Variants in USP31 observed in about 807,000 individuals in gnomAD.
USP31 encodes the protein ubiquitin specific peptidase 31.
In USP31, 44 loss-of-function variants were observed where a neutral mutation model predicts 119.4. The observed-to-expected ratio is 0.37, with a 90% CI of 0.29 to 0.47. The LOEUF (loss-of-function observed/expected upper bound fraction) is 0.47. USP31 is among the 20% of genes least tolerant of loss of function. The pLI is 0.99. For missense variants in USP31, 1,643 were observed against 1,730.2 expected (o/e 0.95, Z 0.89); for synonymous variants, 749 against 705.6 (o/e 1.06, Z -0.97).
At chr16:23,142,580 T>G in intron 1 of USP31, among the ~76,000 whole-genome samples, 1 of 152,196 alleles carries the variant, frequency 6.6e-6, no homozygotes, top group East Asian at 1.9e-4. Context: ...TCACAGTCAG[T>G]GGAAGTCAGA....
intron 13 of USP31, among the ~76,000 whole-genome samples, chr16:23,074,926 A>C (rs1350025041): frequency 6.6e-6 from 1 of 152,170 alleles, no homozygotes; most frequent in Non-Finnish European, 1.5e-5. Context: ...CGAGTGCTAG[A>C]ATATTTAGCT....
At chr16:23,104,988 G>A (rs934395441) in intron 5 of USP31, among the ~76,000 whole-genome samples, 5 of 152,166 alleles carry the variant, frequency 3.3e-5, no homozygotes, top group African/African-American at 7.2e-5. Context: ...AAAACAAAAC[G>A]TATTGAGCAT....
At chr16:23,137,723 T>C (rs922849706) in intron 1 of USP31, among the ~76,000 whole-genome samples, 2 of 151,560 alleles carry the variant, frequency 1.3e-5, no homozygotes, top group Non-Finnish European at 2.9e-5. Flanking sequence ...TGTCTGGAAA[T>C]GTATCCTAAA....
chr16:23,081,743 T>C (rs1288112761), intron 12 of USP31, among the ~76,000 whole-genome samples: 2 of 152,218 alleles, frequency 1.3e-5, no homozygotes, highest in Non-Finnish European at 2.9e-5. Context: ...CCCACCCCTC[T>C]GGACTGCCTG....
At chr16:23,101,143 GGAGA>G (rs2141866563) in intron 6 of USP31, among the ~76,000 whole-genome samples, 1 of 152,170 alleles carries the variant, frequency 6.6e-6, no homozygotes, top group East Asian at 1.9e-4. Flanking sequence ...TAACTAGACA[GGAGA>G]AAGTTCAGTG....
intron 1 of USP31, among the ~76,000 whole-genome samples, chr16:23,139,096 T>C (rs1442200740): frequency 2.6e-5 from 4 of 152,184 alleles, no homozygotes; most frequent in African/African-American, 9.7e-5. Context: ...GATTTGTTTC[T>C]TAATGGGCAT....
At position 23,065,322 on chromosome 16, in the gene USP31, T is replaced by TAAAAAAAAA. The variant is rs575145264; in HGVS notation, c.*2715_*2723dup. The TAAAAAAAAA allele has an allele frequency of 2.8e-5, 3 of 108,794 alleles. No homozygotes were observed. Among genetic ancestry groups the TAAAAAAAAA allele is most frequent in the Non-Finnish European group, 2.0e-5 (1 of 50,996 alleles). 6.7% of individuals were successfully genotyped at this position (108,794 alleles called of 1,614,324 possible). On this transcript the variant is annotated 3_prime_UTR_variant, in exon 16 of 16. Coordinates refer to ENST00000219689, the MANE Select transcript of USP31 (RefSeq NM_020718.4). ...TTGTGCTAAATATTGCTGGGAAAAT[T>TAAAAAAAAA]AAAAAAAAAAAAAAAAAGAAAAGAA...
chr16:23,093,557 T>G (rs1483954427), intron 6 of USP31, among the ~76,000 whole-genome samples: 1 of 152,156 alleles, frequency 6.6e-6, no homozygotes, highest in Non-Finnish European at 1.5e-5. Flanking sequence ...GTGGAGAAAT[T>G]AGAACTCTCA....
In USP31 at chr16:23,124,502, G is replaced by A. The variant is rs758478652; in HGVS notation, c.634-16319C>T. 9.2e-5 allele frequency among the ~76,000 whole-genome samples: 14 copies of A among 152,106 alleles called. No homozygotes were observed. The East Asian group carries it at 1.3e-3, about 15-fold the overall frequency. On this transcript the variant is annotated intron_variant, in intron 1 of 15. Transcript: ENST00000219689. ...ATACTGAGAAGTGAGTGCCCTCTCCGGGACATACTCGTCAGTGAGTCATCC... is the reference window on the plus strand; with the variant it reads ...ATACTGAGAAGTGAGTGCCCTCTCCAGGACATACTCGTCAGTGAGTCATCC...
chr16:23,084,233 C>T (rs965944821), intron 11 of USP31, among the ~76,000 whole-genome samples: 16 of 152,188 alleles, frequency 1.1e-4, no homozygotes, highest in African/African-American at 3.9e-4. Flanking sequence ...ATAAAAATCA[C>T]ACAGGCCTGG....
At chr16:23,089,234 T>C (rs1901245678) in intron 7 of USP31, among the ~76,000 whole-genome samples, 1 of 152,186 alleles carries the variant, frequency 6.6e-6, no homozygotes, top group Admixed American at 6.5e-5. Flanking sequence ...CACAGCACAC[T>C]GGGGCTCAGC....
At chr16:23,099,247 T>C (rs544596772) in intron 6 of USP31, among the ~76,000 whole-genome samples, 1 of 152,214 alleles carries the variant, frequency 6.6e-6, no homozygotes, top group South Asian at 2.1e-4. Flanking sequence ...ATCAGAGAAA[T>C]GCAAATCAAA....
rs112660514 is a variant in USP31 at position 23,126,254 on chromosome 16, G to C, written c.634-18071C>G. ...GGGAGGATTGCTTGAGCCCAAGTTTGAGGCTGCAGTAAGCTGTGATCGCAC... is the reference window on the plus strand; with the variant it reads ...GGGAGGATTGCTTGAGCCCAAGTTTCAGGCTGCAGTAAGCTGTGATCGCAC... On this transcript the variant is annotated intron_variant, in intron 1 of 15. Transcript: ENST00000219689. 7.8e-3 allele frequency among the ~76,000 whole-genome samples: 1,170 copies of C among 150,218 alleles called. 12 individuals carry two copies. The highest frequency in any genetic ancestry group is 0.026 in the African/African-American group (1,066 of 40,786).
intron 13 of USP31, among the ~76,000 whole-genome samples, chr16:23,076,534 C>T (rs1900583232): frequency 2.0e-5 from 3 of 152,144 alleles, no homozygotes; most frequent in South Asian, 4.1e-4. Flanking sequence ...AATTAGTGAA[C>T]AGCTACCTGC....
intron 1 of USP31, among the ~76,000 whole-genome samples, chr16:23,141,229 C>G (rs1035806443): frequency 6.6e-6 from 1 of 152,230 alleles, no homozygotes; most frequent in Non-Finnish European, 1.5e-5. Flanking sequence ...CTCCTCCTGG[C>G]TCTCTAGCTG....
chr16:23,077,664 A>C (rs1900639206), intron 13 of USP31, among the ~76,000 whole-genome samples: 1 of 152,252 alleles, frequency 6.6e-6, no homozygotes, highest in Admixed American at 6.5e-5. Flanking sequence ...TAATAAAGAA[A>C]GTCCCTGAGA....
At chr16:23,140,126 C>G (rs1310726158) in intron 1 of USP31, among the ~76,000 whole-genome samples, 1 of 152,198 alleles carries the variant, frequency 6.6e-6, no homozygotes, top group Non-Finnish European at 1.5e-5. Context: ...AAATCAATCT[C>G]TCTGCACAAC....
intron 9 of USP31, among the ~76,000 whole-genome samples, chr16:23,086,283 G>A (rs1170944608): frequency 6.6e-6 from 1 of 152,016 alleles, no homozygotes; most frequent in Non-Finnish European, 1.5e-5. Context: ...CATATTGTAT[G>A]CTTTTTTAGA....
intron 13 of USP31, among the ~76,000 whole-genome samples, chr16:23,078,320 A>AG (rs1345506365): frequency 1.3e-5 from 2 of 151,910 alleles, no homozygotes; most frequent in Non-Finnish European, 2.9e-5. Context: ...CAAAAAAAAA[A>AG]AAAAAAAAAA....
Sources: gnomAD v4.1 joint callset for allele counts (sites outside exome capture counted in the v4.1 genomes callset) on GRCh38, gnomAD v4.1.1 for gene constraint, MANE v1.5 for transcripts, NCBI Gene and HGNC (gene_info 2026-07-23, HGNC 2026-07-21) for gene names.